ATRN: variants seen among roughly 807,000 people sequenced by gnomAD.
ATRN encodes the protein attractin, also known as attractin-2.
Under a neutral mutation model 178.7 loss-of-function variants are expected in ATRN, and 54 were observed. The observed-to-expected ratio is 0.30, with a 90% CI of 0.24 to 0.38. The LOEUF is 0.38. Among genes scored for constraint, ATRN ranks in the 10% least tolerant of loss-of-function variants. The probability of loss-of-function intolerance (pLI) is 1.00; values close to 1 mark genes in which losing one functional copy is unlikely to be tolerated. For missense variants in ATRN, 1,443 were observed against 1,815.1 expected (o/e 0.79, Z 3.73); for synonymous variants, 636 against 663.0 (o/e 0.96, Z 0.63).
At chr20:3,551,047 C>T (rs1368677967) in intron 6 of ATRN, among the ~76,000 whole-genome samples, 1 of 152,230 alleles carries the variant, frequency 6.6e-6, no homozygotes, top group African/African-American at 2.4e-5. Context: ...TTTATCTTTA[C>T]CTGGCTGGTG....
At chr20:3,495,851 AAT>A (rs1164136964) in intron 1 of ATRN, among the ~76,000 whole-genome samples, 1 of 151,686 alleles carries the variant, frequency 6.6e-6, no homozygotes, top group Non-Finnish European at 1.5e-5. Flanking sequence ...TAAATCTATA[AAT>A]ATATATTTTT....
intron 18 of ATRN, among the ~76,000 whole-genome samples, chr20:3,588,655 G>A (rs2086391821): frequency 6.6e-6 from 1 of 152,098 alleles, no homozygotes; most frequent in African/African-American, 2.4e-5. Flanking sequence ...CTTCTTTTGT[G>A]ATTACTATCT....
At chr20:3,541,021 G>A (rs2085611105) in intron 3 of ATRN, among the ~76,000 whole-genome samples, 1 of 151,258 alleles carries the variant, frequency 6.6e-6, no homozygotes, top group Non-Finnish European at 1.5e-5. Context: ...TTATGTTTTT[G>A]GCCACATTGG....
chr20:3,541,729 G>A (rs766020579), intron 3 of ATRN, among the ~76,000 whole-genome samples: 10 of 152,298 alleles, frequency 6.6e-5, no homozygotes, highest in African/African-American at 1.4e-4. Context: ...ATTATGTGGT[G>A]TATGACTGTA....
chr20:3,521,255 C>T (rs1033109125), intron 1 of ATRN, among the ~76,000 whole-genome samples: 1 of 151,918 alleles, frequency 6.6e-6, no homozygotes, highest in Non-Finnish European at 1.5e-5. Flanking sequence ...ACAAAGGATT[C>T]TTTGTACATC....
At chr20:3,513,752 G>A (rs938312358) in intron 1 of ATRN, among the ~76,000 whole-genome samples, 5 of 152,072 alleles carry the variant, frequency 3.3e-5, no homozygotes, top group African/African-American at 7.2e-5. Flanking sequence ...ATTTGTTTGT[G>A]CCCTCTTTTA....
chr20:3,603,012 C>T (rs1009802023), intron 23 of ATRN, among the ~76,000 whole-genome samples: 2 of 136,518 alleles, frequency 1.5e-5, no homozygotes, highest in African/African-American at 2.8e-5. Context: ...CCATGAGTGT[C>T]TCAATGAAGA....
chr20:3,558,832 G>A (rs77043577), intron 6 of ATRN, among the ~76,000 whole-genome samples: 5,384 of 152,198 alleles, frequency 0.035, 125 homozygotes, highest in Middle Eastern at 0.061. Context: ...GCATTAATAA[G>A]TATAAATTGC....
intron 26 of ATRN, among the ~76,000 whole-genome samples, chr20:3,637,339 G>A (rs1030046981): frequency 2.6e-5 from 4 of 152,170 alleles, no homozygotes; most frequent in African/African-American, 9.7e-5. Flanking sequence ...GGTTTTAAGT[G>A]CTTTTACACA....
intron 1 of ATRN, among the ~76,000 whole-genome samples, chr20:3,504,513 TAAAA>T (rs34116812): frequency 6.9e-5 from 8 of 115,928 alleles, no homozygotes; most frequent in Admixed American, 9.2e-5. Flanking sequence ...TCGTCTCTAC[TAAAA>T]AAAAAAAAAA....
chr20:3,493,748 A>G (rs780328049), intron 1 of ATRN, among the ~76,000 whole-genome samples: 7 of 152,174 alleles, frequency 4.6e-5, no homozygotes, highest in Non-Finnish European at 1.0e-4. Context: ...AGAAAGGTCC[A>G]CCTGCAGTTC....
At chr20:3,588,466 A>G (rs2086389255) in intron 18 of ATRN, among the ~76,000 whole-genome samples, 1 of 152,116 alleles carries the variant, frequency 6.6e-6, no homozygotes, top group South Asian at 2.1e-4. Context: ...CTTTATTAAT[A>G]CTATGTATTA....
In ATRN at chr20:3,570,112, C is replaced by A. The variant is rs557221202; in HGVS notation, c.1872-2619C>A. ...TTGTTCTTTAATATCTCTCAGTGTC[C>A]ATTCAGTGTTTACATCTCCTAATTG... On this transcript the variant is annotated intron_variant, in intron 11 of 28. Transcript: ENST00000262919. Among the ~76,000 whole-genome samples the A allele has an allele frequency of 8.1e-5, 12 of 148,400 alleles. No individual in the cohort carries two copies. In the South Asian group the frequency reaches 2.7e-3, roughly 33 times the overall value.
At chr20:3,522,984 C>T (rs2085316523) in intron 1 of ATRN, among the ~76,000 whole-genome samples, 1 of 152,076 alleles carries the variant, frequency 6.6e-6, no homozygotes, top group Non-Finnish European at 1.5e-5. Flanking sequence ...GCTGAAAATT[C>T]CAAAAACAAG....
chr20:3,631,287 A>G lies in ATRN; in HGVS notation c.3864-3024A>G, dbSNP rs1032901856. ...ATTTAAAATGGAGCCTATAAGGAAA[A>G]GGGGAAAGGTATCCAGATAATCCTA... On this transcript the variant is annotated intron_variant, in intron 25 of 28. Transcript: ENST00000262919. Among the ~76,000 whole-genome samples, 17 of 152,250 alleles carry G rather than the reference A, an allele frequency of 1.1e-4. 1 individual carries two copies. Among genetic ancestry groups the G allele is most frequent in the African/African-American group, 4.1e-4 (17 of 41,548 alleles).
intron 25 of ATRN, among the ~76,000 whole-genome samples, chr20:3,627,831 G>A (rs992878112): frequency 1.3e-5 from 2 of 152,184 alleles, no homozygotes; most frequent in Non-Finnish European, 2.9e-5. Flanking sequence ...ACTAATTTAA[G>A]TTTTGTCATA....
rs79167288 is a variant in ATRN at position 3,482,733 on chromosome 20, G to A, written c.410+11216G>A. On this transcript the variant is annotated intron_variant, in intron 1 of 28. Coordinates refer to ENST00000262919, the MANE Select transcript of ATRN (RefSeq NM_139321.3). ...GTCTTATGCTTCTCTTTTGATAGAT[G>A]ACATGACTGTCTTTTAATGGGAGCA... Among the ~76,000 whole-genome samples, 98 of 152,248 alleles carry A rather than the reference G, an allele frequency of 6.4e-4. 1 individual carries two copies. In the East Asian group the frequency reaches 0.015, roughly 24 times the overall value.
chr20:3,537,826 A>G (rs2085560831), intron 2 of ATRN, among the ~76,000 whole-genome samples: 1 of 151,714 alleles, frequency 6.6e-6, no homozygotes, highest in African/African-American at 2.4e-5. Flanking sequence ...CCATGTCCCT[A>G]CAAAGGACAT....
intron 1 of ATRN, among the ~76,000 whole-genome samples, chr20:3,532,774 T>C (rs1369539929): frequency 6.6e-6 from 1 of 151,958 alleles, no homozygotes; most frequent in African/African-American, 2.4e-5. Context: ...ATACTCTTTT[T>C]TTTTTTGAGA....
Sources: gnomAD v4.1 joint callset for allele counts (sites outside exome capture counted in the v4.1 genomes callset) on GRCh38, gnomAD v4.1.1 for gene constraint, MANE v1.5 for transcripts, NCBI Gene and HGNC (gene_info 2026-07-23, HGNC 2026-07-21) for gene names.